Variants in OPCML observed in about 807,000 individuals in gnomAD.
The protein encoded by OPCML is opioid binding protein/cell adhesion molecule like.
Under a neutral mutation model 37.8 loss-of-function variants are expected in OPCML, and 13 were observed. That is an observed-to-expected ratio of 0.34 (90% confidence interval 0.22 to 0.55). The LOEUF (loss-of-function observed/expected upper bound fraction) is 0.55. Among genes scored for constraint, OPCML ranks in the 20% least tolerant of loss-of-function variants. The pLI, the probability that OPCML is intolerant of heterozygous loss-of-function variation, is 0.91. For synonymous variants in OPCML, 176 were observed against 168.8 expected, an observed-to-expected ratio of 1.04 and a Z score of -0.33; for missense variants, 341 against 435.6, an observed-to-expected ratio of 0.78 and a Z score of 1.93.
chr11:132,450,728 G>T (rs941928515), intron 4 of OPCML, among the ~76,000 whole-genome samples: 3 of 152,192 alleles, frequency 2.0e-5, no homozygotes, highest in Admixed American at 2.0e-4. Flanking sequence ...AAAGTAAGAT[G>T]CAGGGTGATT....
At chr11:133,020,722 T>C (rs1217631131) in intron 1 of OPCML, among the ~76,000 whole-genome samples, 2 of 152,202 alleles carry the variant, frequency 1.3e-5, no homozygotes, top group African/African-American at 4.8e-5. Context: ...GAGAGAGTAA[T>C]GTTTCTGAGC....
chr11:133,441,016 T>C (rs1371634652), intron 1 of OPCML, among the ~76,000 whole-genome samples: 28 of 151,528 alleles, frequency 1.8e-4, no homozygotes, highest in Non-Finnish European at 7.4e-5. Flanking sequence ...TCTAAAAGAA[T>C]TTGAGGGTTT....
Position 133,088,428 on chromosome 11 carries a change from T to C in OPCML, c.62-145418A>G, listed in dbSNP as rs139929902. Among the ~76,000 whole-genome samples the C allele has an allele frequency of 1.9e-3, 288 of 152,324 alleles. 2 individuals carry two copies. The highest frequency in any genetic ancestry group is 6.4e-3 in the African/African-American group (268 of 41,580). ...TGTGCCCATGATGTGGGATAGTGAA[T>C]GCCATTCCCTTCAAAACAGCAAGCT... On this transcript the variant is annotated intron_variant, in intron 1 of 7. Coordinates refer to ENST00000524381, the MANE Select transcript of OPCML (RefSeq NM_001012393.5).
intron 2 of OPCML, among the ~76,000 whole-genome samples, chr11:132,900,512 TAAAC>T (rs911888100): frequency 2.0e-5 from 3 of 152,184 alleles, no homozygotes; most frequent in South Asian, 2.1e-4. Context: ...AAATTATCTT[TAAAC>T]AAACAAACAA....
intron 2 of OPCML, among the ~76,000 whole-genome samples, chr11:132,903,030 C>A (rs1158676892): frequency 1.3e-5 from 2 of 152,212 alleles, no homozygotes; most frequent in Non-Finnish European, 2.9e-5. Flanking sequence ...TTCATTTCCC[C>A]TGAAAACCAT....
At chr11:133,005,979 G>A in intron 1 of OPCML, 1 of 985,428 alleles carries the variant, frequency 1.0e-6, no homozygotes, top group Non-Finnish European at 1.2e-6. Flanking sequence ...TAAAAGGGAA[G>A]ATGTCTCTTT....
intron 2 of OPCML, among the ~76,000 whole-genome samples, chr11:132,763,676 G>A (rs756420648): frequency 4.6e-5 from 7 of 152,320 alleles, no homozygotes; most frequent in Admixed American, 2.6e-4. Flanking sequence ...GAAAAAGAAC[G>A]CAGACAGACA....
intron 2 of OPCML, among the ~76,000 whole-genome samples, chr11:132,758,472 T>C (rs538443304): frequency 7.2e-4 from 110 of 152,334 alleles, no homozygotes; most frequent in Non-Finnish European, 1.1e-3. Context: ...CTCTCTTATT[T>C]CCTTGAGCAG....
At chr11:132,520,147 G>A (rs906812693) in intron 4 of OPCML, among the ~76,000 whole-genome samples, 1 of 152,278 alleles carries the variant, frequency 6.6e-6, no homozygotes, top group Non-Finnish European at 1.5e-5. Flanking sequence ...CAAGAGTATG[G>A]GTGATGTTCA....
intron 1 of OPCML, among the ~76,000 whole-genome samples, chr11:133,307,410 G>A (rs996116637): frequency 6.6e-6 from 1 of 152,136 alleles, no homozygotes; most frequent in Non-Finnish European, 1.5e-5. Context: ...GCTGTATTAT[G>A]TTACAAAATA....
At chr11:133,010,763 G>A (rs1223174494) in intron 1 of OPCML, among the ~76,000 whole-genome samples, 1 of 152,192 alleles carries the variant, frequency 6.6e-6, no homozygotes, top group Non-Finnish European at 1.5e-5. Context: ...AATATCTCGA[G>A]AAGCTAGAAT....
At chr11:133,477,680 A>G (rs1947274050) in intron 1 of OPCML, among the ~76,000 whole-genome samples, 1 of 152,206 alleles carries the variant, frequency 6.6e-6, no homozygotes, top group South Asian at 2.1e-4. Context: ...AACCAGCCGC[A>G]TGTCCATCAC....
intron 1 of OPCML, among the ~76,000 whole-genome samples, chr11:133,456,312 G>T (rs907813372): frequency 2.6e-5 from 4 of 152,140 alleles, no homozygotes; most frequent in South Asian, 4.1e-4. Flanking sequence ...GTCCAACCAC[G>T]AAATATGCCT....
intron 3 of OPCML, among the ~76,000 whole-genome samples, chr11:132,599,357 GAGA>G (rs1937673415): frequency 3.9e-5 from 5 of 127,878 alleles, no homozygotes; most frequent in Admixed American, 1.5e-4. Context: ...GAAGAAGGAG[GAGA>G]AGGAGGAGGA....
chr11:133,200,567 T>C (rs75155736), intron 1 of OPCML, among the ~76,000 whole-genome samples: 2,305 of 152,264 alleles, frequency 0.015, 59 homozygotes, highest in African/African-American at 0.051. Context: ...TCTGGATGTA[T>C]ATCTAACCTA....
intron 1 of OPCML, among the ~76,000 whole-genome samples, chr11:133,475,524 T>G (rs1344190963): frequency 6.6e-6 from 1 of 152,156 alleles, no homozygotes; most frequent in Non-Finnish European, 1.5e-5. Flanking sequence ...TCTGTCCCAT[T>G]GCAGTAACAC....
At position 132,473,098 on chromosome 11, in the gene OPCML, C is replaced by G. The variant is rs1490836025; in HGVS notation, c.506-35739G>C. 2.6e-5 allele frequency among the ~76,000 whole-genome samples: 4 copies of G among 152,186 alleles called. No individual in the cohort carries two copies. In the East Asian group the frequency reaches 7.7e-4, roughly 29 times the overall value. On this transcript the variant is annotated intron_variant, in intron 4 of 7. Coordinates refer to ENST00000524381, the MANE Select transcript of OPCML (RefSeq NM_001012393.5). ...GTTTAATGCACGGCAATGAAAAATTCTCATTCAAATCAGTCAACTCTTCCA... is the reference window on the plus strand; with the variant it reads ...GTTTAATGCACGGCAATGAAAAATTGTCATTCAAATCAGTCAACTCTTCCA...
At chr11:132,456,952 T>C (rs1383811898) in intron 4 of OPCML, among the ~76,000 whole-genome samples, 2 of 152,214 alleles carry the variant, frequency 1.3e-5, no homozygotes, top group South Asian at 2.1e-4. Context: ...TTCAGGGATC[T>C]GGCAGTCTTG....
At chr11:132,441,158 C>CTTTTTTGTTTTTT (rs2096031618) in intron 4 of OPCML, among the ~76,000 whole-genome samples, 1 of 108,056 alleles carries the variant, frequency 9.3e-6, no homozygotes, top group Admixed American at 9.4e-5. Flanking sequence ...TCACCAAGGA[C>CTTTTTTGTTTTTT]TTTTTTGTTT....
Sources: gnomAD v4.1 joint callset for allele counts (sites outside exome capture counted in the v4.1 genomes callset) on GRCh38, gnomAD v4.1.1 for gene constraint, MANE v1.5 for transcripts, NCBI Gene and HGNC (gene_info 2026-07-23, HGNC 2026-07-21) for gene names.